The following ZNF568 variants were observed in gnomAD, a reference collection of about 807,000 sequenced individuals.
ZNF568 encodes the protein p53 inhibitor of SCO2 activation.
ZNF568 carries 11 observed loss-of-function variants against 18.1 expected under a neutral mutation model. That is an observed-to-expected ratio of 0.61 (90% CI 0.38 to 1.00). The LOEUF is 1.00. Among genes scored for constraint, ZNF568 ranks in the 50% least tolerant of loss-of-function variants. The pLI is 0.01. For synonymous variants in ZNF568, 213 were observed against 246.6 expected (o/e 0.86, Z 1.28); for missense variants, 639 against 768.2 (o/e 0.83, Z 1.99).
intron 6 of ZNF568, among the ~76,000 whole-genome samples, chr19:36,971,099 G>A (rs371858223): frequency 1.3e-5 from 2 of 151,946 alleles, no homozygotes; most frequent in African/African-American, 4.8e-5. Flanking sequence ...AAAGAATACA[G>A]GCGGGCACCT....
rs907477423 is a variant in ZNF568, at chr19:36,979,574, A to G, written c.*460A>G. 9 of 152,090 alleles carry G rather than the reference A, an allele frequency of 5.9e-5. 1 individual carries two copies. The highest frequency in any genetic ancestry group is 4.1e-4 in the South Asian group (2 of 4,824). 9.4% of individuals were successfully genotyped at this position (152,090 alleles called of 1,614,324 possible). A position where few individuals can be genotyped will look rare whatever the true frequency, so the allele number is the denominator to read the frequency against. On this transcript the variant is annotated 3_prime_UTR_variant, in exon 8 of 8. Coordinates refer to the ZNF568 transcript ENST00000427117. The stretch of plus-strand genomic sequence containing the variant: ...ATCATACTGTTTGGATTTTTCTGCA[A>G]CTCTATTACTTGTCCTCCAACGAGT...
At chr19:36,939,239 T>G (rs2073838583) in intron 6 of ZNF568, among the ~76,000 whole-genome samples, 1 of 152,204 alleles carries the variant, frequency 6.6e-6, no homozygotes, top group East Asian at 1.9e-4. Flanking sequence ...GCTGTTTGCA[T>G]CTCTTTGTTC....
chr19:36,932,037 T>A (rs1338742949), intron 4 of ZNF568, among the ~76,000 whole-genome samples: 1 of 152,236 alleles, frequency 6.6e-6, no homozygotes, highest in Non-Finnish European at 1.5e-5. Flanking sequence ...GTTTTCAAGT[T>A]TCATGCATTT....
At chr19:36,989,493 G>A (rs913958555) in intron 2 of ZNF568, among the ~76,000 whole-genome samples, 5 of 152,056 alleles carry the variant, frequency 3.3e-5, no homozygotes, top group African/African-American at 1.2e-4. Flanking sequence ...CAAGGCTGCT[G>A]TCTCTTAAGG....
chr19:36,997,897 C>A, downstream of ZNF568: 2 of 334,016 alleles, frequency 6.0e-6, no homozygotes, highest in East Asian at 6.5e-5. Context: ...TTGAAGACCT[C>A]CATGAATGTA....
chr19:36,996,363 C>T (rs1396062582), exon 5 of ZNF568: 1 of 1,534,012 alleles, frequency 6.5e-7, no homozygotes, highest in Non-Finnish European at 8.7e-7. Context: ...CAAAGGAAAA[C>T]ATTTATGAAA....
intron 1 of ZNF568, 147 bp from the exon 2 acceptor site, chr19:36,917,432 A>G (rs527354812): frequency 2.3e-4 from 35 of 152,384 alleles, no homozygotes; most frequent in African/African-American, 8.2e-4. Flanking sequence ...CTAAAATTCC[A>G]GTCTACCACC....
At position 36,950,874 on chromosome 19, in the gene ZNF568, C is replaced by T. The variant is rs908263637; in HGVS notation, c.1721C>T (p.Thr574Ile). 1 of 1,613,262 alleles carries T rather than the reference C, an allele frequency of 6.2e-7. No homozygotes were observed. Among genetic ancestry groups the T allele is most frequent in the Non-Finnish European group, 8.5e-7 (1 of 1,179,752 alleles). Reference sequence around the variant, plus strand: ...GCCTTCTCTCGAATCTCATCCCTCACTCTTCATGTGAGAAGTCACACAGGG... The same window carrying T: ...GCCTTCTCTCGAATCTCATCCCTCATTCTTCATGTGAGAAGTCACACAGGG... ...GKAFSRISSL[T>I]LHVRSHTGEK... Residue 574 changes from threonine (T) to isoleucine (I), a missense_variant, in exon 7 of 7, where the codon ACT (threonine) becomes ATT (isoleucine). Thr to Ile is a moderately conservative substitution (Grantham distance 89, BLOSUM62 -1). Coordinates refer to ENST00000333987, the MANE Select transcript of ZNF568 (RefSeq NM_198539.4).
chr19:36,951,268 A>G lies in ZNF568; in HGVS notation c.*180A>G. The G allele has an allele frequency of 2.0e-6, 1 of 494,196 alleles. No homozygotes were observed. The highest frequency in any genetic ancestry group is 3.2e-6 in the Non-Finnish European group (1 of 311,474). 30.6% of individuals were successfully genotyped at this position (494,196 alleles called of 1,614,324 possible). On this transcript the variant is annotated 3_prime_UTR_variant, in exon 7 of 7. Coordinates refer to ENST00000333987, the MANE Select transcript of ZNF568 (RefSeq NM_198539.4). Reference sequence around the variant, plus strand: ...AAAACCCAGTATTATAAAAACCTCAATTCTGAAAATCTATAGACTGAATGC... The same window carrying G: ...AAAACCCAGTATTATAAAAACCTCAGTTCTGAAAATCTATAGACTGAATGC...
At chr19:36,939,627 C>T (rs1385434485) in intron 6 of ZNF568, among the ~76,000 whole-genome samples, 1 of 148,424 alleles carries the variant, frequency 6.7e-6, no homozygotes, top group Non-Finnish European at 1.5e-5. Flanking sequence ...GCAACCTCCG[C>T]CTCCTGGGTT....
intron 4 of ZNF568, among the ~76,000 whole-genome samples, chr19:36,994,135 T>G (rs1335766494): frequency 6.6e-6 from 1 of 152,144 alleles, no homozygotes; most frequent in Non-Finnish European, 1.5e-5. Context: ...TCTCAAAATA[T>G]TTTTTAATTT....
intron 4 of ZNF568, among the ~76,000 whole-genome samples, chr19:36,928,789 TA>T (rs1265653314): frequency 6.6e-6 from 1 of 151,664 alleles, no homozygotes; most frequent in East Asian, 1.9e-4. Flanking sequence ...AAGAAAAAAA[TA>T]AAATGTATGT....
chr19:36,921,267 G>C (rs2073450107), intron 2 of ZNF568, among the ~76,000 whole-genome samples: 1 of 152,098 alleles, frequency 6.6e-6, no homozygotes, highest in African/African-American at 2.4e-5. Context: ...TTCAAGAACA[G>C]CCTGACCAAC....
chr19:36,931,202 G>A (rs1371652040), intron 4 of ZNF568, among the ~76,000 whole-genome samples: 2 of 152,244 alleles, frequency 1.3e-5, no homozygotes, highest in Middle Eastern at 3.4e-3. Flanking sequence ...GAGCACATGA[G>A]CCAAGGTAAA....
At chr19:36,938,973 C>T (rs867513694) in intron 6 of ZNF568, among the ~76,000 whole-genome samples, 4 of 152,194 alleles carry the variant, frequency 2.6e-5, no homozygotes, top group East Asian at 1.9e-4. Flanking sequence ...TGTCATCTTT[C>T]GATGAAGGTA....
At position 36,925,124 on chromosome 19, in the gene ZNF568, C is replaced by G. The variant is rs1487708517; in HGVS notation, c.77-76C>G. Reference sequence around the variant, plus strand: ...CATTCATCTGTAGAGGGTCTTCTAGCCACCTGGTACTGAAGATTTCTATAT... The same window carrying G: ...CATTCATCTGTAGAGGGTCTTCTAGGCACCTGGTACTGAAGATTTCTATAT... On this transcript the variant is annotated intron_variant, in intron 3 of 6. Transcript: ENST00000333987. 22 of 1,356,694 alleles carry G rather than the reference C, an allele frequency of 1.6e-5. No individual in the cohort carries two copies. The South Asian group carries it at 2.3e-4, about 14-fold the overall frequency. The allele number at this position is 1,356,694 out of a possible 1,614,324, so 84.0% of individuals were successfully genotyped here.
intron 4 of ZNF568, among the ~76,000 whole-genome samples, chr19:36,993,133 G>A (rs2074440315): frequency 6.6e-6 from 1 of 152,084 alleles, no homozygotes; most frequent in African/African-American, 2.4e-5. Flanking sequence ...TTCTTCGTTT[G>A]TTGAGTATTT....
chr19:36,955,040 C>T (rs1316859483), downstream of ZNF568, among the ~76,000 whole-genome samples: 5 of 151,894 alleles, frequency 3.3e-5, no homozygotes, highest in African/African-American at 4.8e-5. Flanking sequence ...CCACCATGCC[C>T]GGCTAATTTT....
In ZNF568 at chr19:36,950,247, A is replaced by T; in HGVS notation, c.1094A>T (p.Asn365Ile). 1.2e-6 allele frequency: 2 copies of T among 1,613,994 alleles called. No homozygotes were observed. The highest frequency in any genetic ancestry group is 2.2e-5 in the South Asian group (2 of 91,078). The stretch of plus-strand genomic sequence containing the variant: ...ACTGGGGAGAAACCTTATGCATGTA[A>T]TGAATGTGGTAGAGCTTTTTCTCGA... ...IHTGEKPYACNECGRAFSRMS... is the reference protein window; with the variant it reads ...IHTGEKPYACIECGRAFSRMS... The change falls in exon 7 of 7, where the codon AAT (asparagine) becomes ATT (isoleucine). Residue 365 changes from asparagine (N) to isoleucine (I), a missense_variant. Asn to Ile is a moderately radical substitution (Grantham distance 149). Coordinates refer to ENST00000333987, the MANE Select transcript of ZNF568 (RefSeq NM_198539.4).
Sources: gnomAD v4.1 joint callset for allele counts (sites outside exome capture counted in the v4.1 genomes callset) on GRCh38, gnomAD v4.1.1 for gene constraint, MANE v1.5 for transcripts, NCBI Gene and HGNC (gene_info 2026-07-23, HGNC 2026-07-21) for gene names.